The following CLCN5 variants were observed in gnomAD, a reference collection of about 807,000 sequenced individuals.
The protein encoded by CLCN5 is Cl-/H+ antiporter 5, also known as H(+)/Cl(-) exchange transporter 5.
Under a neutral mutation model 54.0 loss-of-function variants are expected in CLCN5, and 17 were observed. That is an observed-to-expected ratio of 0.31 (90% CI 0.22 to 0.47). The LOEUF (loss-of-function observed/expected upper bound fraction) is 0.47. CLCN5 is among the 20% of genes least tolerant of loss of function. The probability of loss-of-function intolerance (pLI) is 1.00; values close to 1 mark genes in which losing one functional copy is unlikely to be tolerated. For synonymous variants in CLCN5, 222 were observed against 233.0 expected (o/e 0.95, Z 0.43); for missense variants, 448 against 646.7 (o/e 0.69, Z 3.33).
intron 3 of CLCN5, among the ~76,000 whole-genome samples, chrX:49,995,431 C>G (rs1437560592): frequency 9.0e-6 from 1 of 111,429 alleles, no homozygotes; most frequent in African/African-American, 3.3e-5. Context: ...CTGAGGCTTC[C>G]GAGCAAGGGT....
At chrX:49,970,422 C>G (rs1286928371) in intron 3 of CLCN5, among the ~76,000 whole-genome samples, 1 of 110,867 alleles carries the variant, frequency 9.0e-6, no homozygotes, top group Non-Finnish European at 1.9e-5. Flanking sequence ...CCCTACTCCC[C>G]CTACCCGCAC....
chrX:50,047,810 A>G (rs1264643904), intron 4 of CLCN5, among the ~76,000 whole-genome samples: 3 of 111,446 alleles, frequency 2.7e-5, no homozygotes, highest in Non-Finnish European at 5.6e-5. Context: ...CAAGATTACA[A>G]TGGAATTTTG....
At chrX:49,972,001 TA>T (rs1487255062) in intron 3 of CLCN5, among the ~76,000 whole-genome samples, 1 of 111,347 alleles carries the variant, frequency 9.0e-6, no homozygotes, top group Non-Finnish European at 1.9e-5. Context: ...TTCAAACTTA[TA>T]AAAAATTTGC....
chrX:49,924,595 C>G lies in CLCN5; in HGVS notation c.-128-576C>G, dbSNP rs189340046. 4.5e-5 allele frequency among the ~76,000 whole-genome samples: 5 copies of G among 111,665 alleles called. No homozygotes were observed. In the Admixed American group the frequency reaches 4.7e-4, roughly 11 times the overall value. On this transcript the variant is annotated intron_variant, in intron 2 of 14. Coordinates refer to ENST00000376091, the MANE Select transcript of CLCN5 (RefSeq NM_001127898.4). ...TTTTCTTCTTCTTTGGTTCATTTTCCCCCTGATTATAAAAGCAATATACGC... is the reference window on the plus strand; with the variant it reads ...TTTTCTTCTTCTTTGGTTCATTTTCGCCCTGATTATAAAAGCAATATACGC...
At chrX:50,081,561 A>C in intron 8 of CLCN5, 80 bp from the exon 9 acceptor site, 1 of 751,644 alleles carries the variant, frequency 1.3e-6, no homozygotes, top group Non-Finnish European at 2.1e-6. Flanking sequence ...TGCAGTTTCT[A>C]TAATGAGGTC....
chrX:49,971,824 C>A (rs1557176248), intron 3 of CLCN5, among the ~76,000 whole-genome samples: 1 of 111,647 alleles, frequency 9.0e-6, no homozygotes. Flanking sequence ...TGCTGTATGC[C>A]CTTAGGATAA....
intron 12 of CLCN5, among the ~76,000 whole-genome samples, chrX:50,089,477 G>A (rs781941161): frequency 8.9e-6 from 1 of 112,222 alleles, no homozygotes; most frequent in South Asian, 3.7e-4. Context: ...CTTATTTATT[G>A]GCAGTCAGCT....
intron 3 of CLCN5, among the ~76,000 whole-genome samples, chrX:49,998,670 C>G (rs1224910066): frequency 2.7e-5 from 3 of 111,197 alleles, no homozygotes; most frequent in Non-Finnish European, 5.7e-5. Flanking sequence ...TTCCCTCTCA[C>G]ACTCAGAGTG....
At chrX:50,052,002 C>T (rs1932602926) in intron 4 of CLCN5, among the ~76,000 whole-genome samples, 1 of 111,532 alleles carries the variant, frequency 9.0e-6, no homozygotes, top group African/African-American at 3.3e-5. Context: ...TTATTTCTCT[C>T]TTTCCAACCT....
rs1925108587 is a variant in CLCN5 at position 49,922,599 on chromosome X, A to T, written c.-398A>T. 8.9e-6 allele frequency: 1 copy of T among 112,427 alleles called. No homozygotes were observed. Among genetic ancestry groups the T allele is most frequent in the Admixed American group, 9.3e-5 (1 of 10,802 alleles). 9.3% of individuals were successfully genotyped at this position (112,427 alleles called of 1,213,427 possible). On this transcript the variant is annotated 5_prime_UTR_variant, in exon 1 of 15. Coordinates refer to ENST00000376091, the MANE Select transcript of CLCN5 (RefSeq NM_001127898.4). Reference sequence around the variant, plus strand: ...CAGACGCTGGCTGGGCTGAGCCGATACTCGCGAGGCGCCCTGTCACATGAG... The same window carrying T: ...CAGACGCTGGCTGGGCTGAGCCGATTCTCGCGAGGCGCCCTGTCACATGAG...
rs782493895 is a variant in CLCN5 at position 50,013,140 on chromosome X, C to CTCAA, written c.17-29161_17-29158dup. The CTCAA allele has an allele frequency of 1.5e-4, 38 of 254,617 alleles. 1 individual carries two copies. In the South Asian group the frequency reaches 1.5e-3, roughly 10 times the overall value. The allele number at this position is 254,617 out of a possible 1,213,427, so 21.0% of individuals were successfully genotyped here. A position where few individuals can be genotyped will look rare whatever the true frequency, so the allele number is the denominator to read the frequency against. On this transcript the variant is annotated intron_variant, in intron 3 of 14. Transcript: ENST00000376091. ...CACTTTAATCTCAATCTGTCTCTCT[C>CTCAA]TCAATCAATCAATCAATCTCTCTCC...
At chrX:49,936,552 G>A (rs1008864493) in intron 3 of CLCN5, among the ~76,000 whole-genome samples, 1 of 111,827 alleles carries the variant, frequency 8.9e-6, no homozygotes, top group African/African-American at 3.2e-5. Context: ...ATGGCACTTG[G>A]TTTTCTAGAC....
intron 2 of CLCN5, chrX:49,923,684 C>G (rs782522934): frequency 8.9e-6 from 1 of 112,137 alleles, no homozygotes; most frequent in Non-Finnish European, 1.9e-5. Flanking sequence ...ACAGACTGTC[C>G]CAGGTCTCAG....
At chrX:50,002,772 G>T (rs1557180699) in intron 3 of CLCN5, among the ~76,000 whole-genome samples, 4 of 108,441 alleles carry the variant, frequency 3.7e-5, no homozygotes, top group African/African-American at 1.4e-4. Context: ...CTCCTTTTTT[G>T]AGTCCTCTTT....
At chrX:50,009,447 C>T (rs1557182119) in intron 3 of CLCN5, among the ~76,000 whole-genome samples, 1 of 111,807 alleles carries the variant, frequency 8.9e-6, no homozygotes, top group Non-Finnish European at 1.9e-5. Context: ...TTGTCCCAAC[C>T]TCCTTGCTAG....
intron 3 of CLCN5, among the ~76,000 whole-genome samples, chrX:50,030,483 G>A (rs1323678079): frequency 9.0e-6 from 1 of 111,663 alleles, no homozygotes; most frequent in Admixed American, 9.5e-5. Flanking sequence ...ATGCATTCAT[G>A]TAATCCAAAC....
In CLCN5 at chrX:49,971,160, A is replaced by G. The variant is rs1201207594; in HGVS notation, c.16+45846A>G. Among the ~76,000 whole-genome samples, 4 of 105,248 alleles carry G rather than the reference A, an allele frequency of 3.8e-5. No homozygotes were observed. The East Asian group carries it at 1.2e-3, about 30-fold the overall frequency. The allele number at this position is 105,248 out of a possible 115,157, so 91.4% of individuals were successfully genotyped here. A position where few individuals can be genotyped will look rare whatever the true frequency, so the allele number is the denominator to read the frequency against. On this transcript the variant is annotated intron_variant, in intron 3 of 14. Transcript: ENST00000376091. The stretch of plus-strand genomic sequence containing the variant: ...TGGTATACTGACCTTGTATCCTCCA[A>G]CCTTGCTGAACTTATTTATTAGTTC...
intron 3 of CLCN5, among the ~76,000 whole-genome samples, chrX:50,023,127 G>A (rs1167520157): frequency 2.1e-5 from 2 of 96,324 alleles, no homozygotes; most frequent in Non-Finnish European, 3.9e-5. Flanking sequence ...CTCTTTGTAG[G>A]TCACTCAGGA....
intron 3 of CLCN5, among the ~76,000 whole-genome samples, chrX:49,939,531 C>T (rs1477004314): frequency 1.8e-5 from 2 of 110,753 alleles, no homozygotes; most frequent in South Asian, 3.9e-4. Context: ...AGCAAACTAT[C>T]GCAAGGACAA....
Sources: allele counts gnomAD v4.1 joint callset (sites outside exome capture counted in the v4.1 genomes callset), GRCh38; gene constraint gnomAD v4.1.1; transcripts MANE v1.5; gene names NCBI Gene and HGNC (gene_info 2026-07-23, HGNC 2026-07-21).